The following APCDD1 variants were observed in gnomAD, a reference collection of about 807,000 sequenced individuals.
APCDD1 encodes the protein APC down-regulated 1, also known as protein APCDD1.
In APCDD1, 15 loss-of-function variants were observed where a neutral mutation model predicts 38.1. The ratio of observed to expected loss-of-function variants is 0.39; its 90% confidence interval spans 0.26 to 0.61. The LOEUF (loss-of-function observed/expected upper bound fraction) is 0.61. Among genes scored for constraint, APCDD1 ranks in the 20% least tolerant of loss-of-function variants. APCDD1 has a pLI of 0.49. For missense variants in APCDD1, 647 were observed against 696.2 expected (o/e 0.93, Z 0.79); for synonymous variants, 261 against 279.7 (o/e 0.93, Z 0.67).
rs2031007208 is a variant in APCDD1, at chr18:10,476,592, G to T, written c.774+4531G>T. On this transcript the variant is annotated intron_variant, in intron 3 of 4. Transcript: ENST00000355285. The surrounding 1 kb of genome is among the most constrained non-coding windows in gnomAD (Gnocchi z 5.8). ...TAATTAAAAGCAAATGATTGCCAAG[G>T]TCGTTAGAGATGCCAGAGCCTCAGG... 6.6e-6 allele frequency: 1 copy of T among 152,202 alleles called. No homozygotes were observed. The highest frequency in any genetic ancestry group is 6.5e-5 in the Admixed American group (1 of 15,280). 9.4% of individuals were successfully genotyped at this position (152,202 alleles called of 1,614,324 possible).
intron 3 of APCDD1, among the ~76,000 whole-genome samples, chr18:10,484,216 G>A (rs1007660535): frequency 1.3e-5 from 2 of 152,200 alleles, no homozygotes; most frequent in Non-Finnish European, 2.9e-5. Context: ...ACCTGGAGGC[G>A]GGCAGACCGG....
Position 10,485,743 on chromosome 18 carries a change from C to G in APCDD1, c.1056C>G (p.Leu352=). 6.2e-7 allele frequency: 1 copy of G among 1,613,966 alleles called. No individual in the cohort carries two copies. Among genetic ancestry groups the G allele is most frequent in the Non-Finnish European group, 8.5e-7 (1 of 1,180,034 alleles). Reference sequence around the variant, plus strand: ...GGGGCCGCTACAGCCGCGGCGTCCTCTCGTCCAGGGTCATGGGAGGCACCG... The same window carrying G: ...GGGGCCGCTACAGCCGCGGCGTCCTGTCGTCCAGGGTCATGGGAGGCACCG... ...YARGRYSRGV[L]SSRVMGGTEF... Residue 352 remains leucine, a synonymous_variant, in exon 4 of 5, where the codon CTC becomes CTG. Transcript: ENST00000355285. The surrounding 1 kb of genome is among the most constrained non-coding windows in gnomAD (Gnocchi z 5.8).
rs1384494826 is a variant in APCDD1 at position 10,488,006 on chromosome 18, G to A, written c.1513G>A (p.Val505Ile). The A allele has an allele frequency of 6.2e-7, 1 of 1,613,856 alleles. No individual in the cohort carries two copies. Among genetic ancestry groups the A allele is most frequent in the Non-Finnish European group, 8.5e-7 (1 of 1,180,050 alleles). ...GCTGCTGGCTGCACTTGCCTGCCTTGTCCCTCTGCTGCATTGGAACATCCG... is the reference window on the plus strand; with the variant it reads ...GCTGCTGGCTGCACTTGCCTGCCTTATCCCTCTGCTGCATTGGAACATCCG... ...SLLLAALACLVPLLHWNIRR is the reference protein window; with the variant it reads ...SLLLAALACLIPLLHWNIRR Residue 505 changes from valine to isoleucine, a missense_variant, in exon 5 of 5, where the codon GTC becomes ATC. Transcript: ENST00000355285.
rs924814341 is a variant in APCDD1 at position 10,469,119 on chromosome 18, T to C, written c.242+467T>C. ...TACTAGCCAGGGTGCAGTTCTTGGA[T>C]TCTTTTCCATGCTATGAAGCTGAGA... On this transcript the variant is annotated intron_variant, in intron 2 of 4. Coordinates refer to ENST00000355285, the MANE Select transcript of APCDD1 (RefSeq NM_153000.5). The surrounding 1 kb of genome is among the most constrained non-coding windows in gnomAD (Gnocchi z 5.5). 6.6e-6 allele frequency among the ~76,000 whole-genome samples: 1 copy of C among 152,238 alleles called. No individual in the cohort carries two copies. The highest frequency in any genetic ancestry group is 2.4e-5 in the African/African-American group (1 of 41,466).
At position 10,455,010 on chromosome 18, in the gene APCDD1, G is replaced by A. The variant is rs758208673; in HGVS notation, c.29G>A (p.Arg10Lys). 43 of 1,564,582 alleles carry A rather than the reference G, an allele frequency of 2.7e-5. No homozygotes were observed. Among genetic ancestry groups the A allele is most frequent in the Non-Finnish European group, 3.6e-5 (42 of 1,154,738 alleles). MSWPRRLLLRYLFPALLLHG... is the reference protein window; with the variant it reads MSWPRRLLLKYLFPALLLHG... Reference sequence around the variant, plus strand: ...TCCTGGCCGCGCCGCCTCCTGCTCAGATACCTGTTCCCGGCCCTCCTGCTT... The same window carrying A: ...TCCTGGCCGCGCCGCCTCCTGCTCAAATACCTGTTCCCGGCCCTCCTGCTT... Residue 10 changes from arginine (R) to lysine (K), a missense_variant, in exon 1 of 5, where the codon AGA becomes AAA. Coordinates refer to ENST00000355285, the MANE Select transcript of APCDD1 (RefSeq NM_153000.5).
At chr18:10,484,239 T>C (rs532139412) in intron 3 of APCDD1, among the ~76,000 whole-genome samples, 13 of 152,320 alleles carry the variant, frequency 8.5e-5, no homozygotes, top group African/African-American at 2.4e-4. Flanking sequence ...CAGAGGGCAG[T>C]GTGCGCGTGT....
At position 10,472,136 on chromosome 18, in the gene APCDD1, T is replaced by C. The variant is rs144068814; in HGVS notation, c.774+75T>C. 9.7e-5 allele frequency: 155 copies of C among 1,589,982 alleles called. No homozygotes were observed. In the East Asian group the frequency reaches 3.4e-3, roughly 35 times the overall value. Reference sequence around the variant, plus strand: ...CTTCTTAAAGGCTTGCCATGGGGGCTCTAGGGCACCCTTGAAAGGGGGAAT... The same window carrying C: ...CTTCTTAAAGGCTTGCCATGGGGGCCCTAGGGCACCCTTGAAAGGGGGAAT... On this transcript the variant is annotated intron_variant, in intron 3 of 4. Coordinates refer to ENST00000355285, the MANE Select transcript of APCDD1 (RefSeq NM_153000.5). The surrounding 1 kb of genome is among the most constrained non-coding windows in gnomAD (Gnocchi z 6.6).
intron 3 of APCDD1, among the ~76,000 whole-genome samples, chr18:10,483,532 G>T (rs2031185147): frequency 1.3e-5 from 2 of 152,366 alleles, no homozygotes; most frequent in Admixed American, 1.3e-4. Context: ...CAGCAGCTGG[G>T]AAGCCCACAG....
intron 1 of APCDD1, among the ~76,000 whole-genome samples, chr18:10,457,880 G>T (rs2030422395): frequency 6.6e-6 from 1 of 152,196 alleles, no homozygotes; most frequent in Non-Finnish European, 1.5e-5. Context: ...CAAATGTGGT[G>T]CGAGACCCAA....
intron 1 of APCDD1, among the ~76,000 whole-genome samples, chr18:10,465,064 G>A (rs2030672968): frequency 6.6e-6 from 1 of 152,164 alleles, no homozygotes; most frequent in African/African-American, 2.4e-5. Flanking sequence ...CATAACTGAC[G>A]AGTAGACAGA....
chr18:10,477,204 C>T (rs1448889610), intron 3 of APCDD1: 2 of 152,198 alleles, frequency 1.3e-5, no homozygotes, highest in Non-Finnish European at 2.9e-5. Context: ...GGTGGACAAC[C>T]AGAAGTTCAA....
intron 3 of APCDD1, chr18:10,477,745 G>T (rs772889909): frequency 2.6e-5 from 4 of 152,206 alleles, no homozygotes; most frequent in Non-Finnish European, 5.9e-5. Flanking sequence ...GAAAGGAAGA[G>T]GATGGGCCAG....
At chr18:10,462,459 C>T (rs1156590649) in intron 1 of APCDD1, among the ~76,000 whole-genome samples, 2 of 34,124 alleles carry the variant, frequency 5.9e-5, no homozygotes, top group Non-Finnish European at 5.9e-5. Context: ...TCCTCCCTCC[C>T]TCCCTCCCTC....
At chr18:10,480,914 G>A (rs796264430) in intron 3 of APCDD1, among the ~76,000 whole-genome samples, 7 of 150,638 alleles carry the variant, frequency 4.6e-5, no homozygotes, top group African/African-American at 1.7e-4. Context: ...AAAAAAAAAG[G>A]TAACTAGTCA....
intron 1 of APCDD1, among the ~76,000 whole-genome samples, chr18:10,466,230 T>A (rs2030710692): frequency 6.6e-6 from 1 of 152,200 alleles, no homozygotes. Flanking sequence ...ACTGAGGAAA[T>A]GTTGACAGTT....
In APCDD1 at chr18:10,476,640, A is replaced by G. The variant is rs554069371; in HGVS notation, c.774+4579A>G. On this transcript the variant is annotated intron_variant, in intron 3 of 4. Transcript: ENST00000355285. This position sits in a 1 kb window ranked among gnomAD's most constrained non-coding sequence, Gnocchi z 5.8. ...AGGATCAGACTCGTAAGCAAATGGA[A>G]TTGGTCTTTCTCCAAAATCCTGCAC... 6.6e-6 allele frequency: 1 copy of G among 152,292 alleles called. No individual in the cohort carries two copies. The highest frequency in any genetic ancestry group is 1.9e-4 in the East Asian group (1 of 5,178). The allele number at this position is 152,292 out of a possible 1,614,324, so 9.4% of individuals were successfully genotyped here.
intron 3 of APCDD1, among the ~76,000 whole-genome samples, chr18:10,482,954 T>C (rs1293715580): frequency 6.6e-6 from 1 of 152,252 alleles, no homozygotes; most frequent in Non-Finnish European, 1.5e-5. Flanking sequence ...ATTTGAAAGA[T>C]AGTGGCACAT....
rs117942846 is a variant in APCDD1, at chr18:10,472,077, G to A, written c.774+16G>A. On this transcript the variant is annotated intron_variant, in intron 3 of 4. Transcript: ENST00000355285. This position sits in a 1 kb window ranked among gnomAD's most constrained non-coding sequence, Gnocchi z 6.6. Reference sequence around the variant, plus strand: ...GAATGCCAAGGTACCTCAGAGCTCTGTGTTCTCCTCTTTATTGAGTAAAGT... The same window carrying A: ...GAATGCCAAGGTACCTCAGAGCTCTATGTTCTCCTCTTTATTGAGTAAAGT... 8.7e-3 allele frequency: 13,955 copies of A among 1,612,918 alleles called. 90 individuals carry two copies. Among genetic ancestry groups the A allele is most frequent in the Non-Finnish European group, 0.01 (12,163 of 1,179,992 alleles).
intron 1 of APCDD1, among the ~76,000 whole-genome samples, chr18:10,463,084 C>T (rs1160930477): frequency 6.6e-6 from 1 of 152,014 alleles, no homozygotes; most frequent in Non-Finnish European, 1.5e-5. Context: ...TGCCCCTTGT[C>T]CTAGGTCACC....
Sources: allele counts gnomAD v4.1 joint callset (sites outside exome capture counted in the v4.1 genomes callset), GRCh38; gene constraint gnomAD v4.1.1; non-coding constraint Gnocchi (gnomAD v3.1); transcripts MANE v1.5; gene names NCBI Gene and HGNC (gene_info 2026-07-23, HGNC 2026-07-21).